The following RASAL2 variants were observed in gnomAD, a reference collection of about 807,000 sequenced individuals.
RASAL2 encodes RAS protein activator like 2.
In RASAL2, 58 loss-of-function variants were observed where a neutral mutation model predicts 128.9. The ratio of observed to expected loss-of-function variants is 0.45; its 90% CI spans 0.36 to 0.56. The LOEUF (loss-of-function observed/expected upper bound fraction) is 0.56. Ranked by LOEUF, RASAL2 falls within the 20% of genes least tolerant of loss-of-function variation. The pLI is 0.00. For missense variants in RASAL2, 1,360 were observed against 1,601.6 expected, an observed-to-expected ratio of 0.85 and a Z score of 2.57; for synonymous variants, 561 against 580.8, an observed-to-expected ratio of 0.97 and a Z score of 0.49.
intron 5 of RASAL2, among the ~76,000 whole-genome samples, chr1:178,432,628 T>C (rs1292921085): frequency 6.6e-6 from 1 of 152,052 alleles, no homozygotes; most frequent in African/African-American, 2.4e-5. Context: ...TGCCTCCTCT[T>C]TCCTATCCCT....
chr1:178,149,263 A>G (rs1474425240), intron 1 of RASAL2, among the ~76,000 whole-genome samples: 1 of 152,174 alleles, frequency 6.6e-6, no homozygotes, highest in African/African-American at 2.4e-5. Context: ...TGTTTACTCT[A>G]TAAAAGGGAA....
At chr1:178,331,580 C>T (rs1198213823) in intron 3 of RASAL2, among the ~76,000 whole-genome samples, 1 of 134,088 alleles carries the variant, frequency 7.5e-6, no homozygotes, top group Non-Finnish European at 1.5e-5. Context: ...TAACTTCATG[C>T]ATCTTTTTTT....
At chr1:178,470,868 T>C (rs553980807) in intron 17 of RASAL2, 91 of 511,076 alleles carry the variant, frequency 1.8e-4, no homozygotes, top group South Asian at 1.8e-3. Context: ...TCCCTTACAA[T>C]CCAGGCAGAA....
At chr1:178,242,461 CTCTCTCTCTCTCTCTCTCTCTT>C (rs1337765241) in intron 1 of RASAL2, among the ~76,000 whole-genome samples, 5 of 118,168 alleles carry the variant, frequency 4.2e-5, no homozygotes, top group Admixed American at 1.7e-4. Flanking sequence ...CTCTCTCTCT[CTCTCTCTCTCTCTCTCTCTCTT>C]TCATCTCTCT....
intron 1 of RASAL2, among the ~76,000 whole-genome samples, chr1:178,121,360 G>A (rs997438754): frequency 8.5e-5 from 13 of 152,148 alleles, no homozygotes; most frequent in African/African-American, 3.1e-4. Context: ...AATACACAAG[G>A]TTATAGATGA....
At chr1:178,283,961 A>G (rs1478935692) in intron 2 of RASAL2, among the ~76,000 whole-genome samples, 1 of 152,216 alleles carries the variant, frequency 6.6e-6, no homozygotes, top group Non-Finnish European at 1.5e-5. Flanking sequence ...GGGTTGGATT[A>G]TATAGGCCTG....
At chr1:178,453,484 A>G (rs150274656) in intron 11 of RASAL2, among the ~76,000 whole-genome samples, 220 of 152,148 alleles carry the variant, frequency 1.4e-3, no homozygotes, top group African/African-American at 5.1e-3. Context: ...TGAAAGGCAT[A>G]TGGGTATTCA....
intron 1 of RASAL2, among the ~76,000 whole-genome samples, chr1:178,277,443 G>A (rs906667640): frequency 1.3e-5 from 2 of 152,130 alleles, no homozygotes; most frequent in Non-Finnish European, 2.9e-5. Flanking sequence ...ATAGGCGTGA[G>A]CCACCGTTCC....
chr1:178,268,023 G>GTT (rs1044785459), intron 1 of RASAL2, among the ~76,000 whole-genome samples: 2 of 137,728 alleles, frequency 1.5e-5, no homozygotes, highest in Non-Finnish European at 1.6e-5. Context: ...GTTGTTTTTT[G>GTT]TTTTTTTTTT....
intron 4 of RASAL2, among the ~76,000 whole-genome samples, chr1:178,413,141 G>A (rs190978577): frequency 6.6e-6 from 1 of 152,144 alleles, no homozygotes; most frequent in East Asian, 1.9e-4. Flanking sequence ...TGTATGTTTT[G>A]TAGAGATGGG....
chr1:178,185,400 A>G (rs1454351451), intron 1 of RASAL2, among the ~76,000 whole-genome samples: 1 of 152,046 alleles, frequency 6.6e-6, no homozygotes, highest in East Asian at 1.9e-4. Flanking sequence ...CTTGTTATCC[A>G]TCTTAGAGAG....
At chr1:178,197,906 A>T (rs1274471050) in intron 1 of RASAL2, among the ~76,000 whole-genome samples, 2 of 151,772 alleles carry the variant, frequency 1.3e-5, no homozygotes, top group African/African-American at 4.8e-5. Context: ...GTGTCCAACT[A>T]TTCTCATTGT....
intron 11 of RASAL2, among the ~76,000 whole-genome samples, chr1:178,454,194 A>G (rs914040387): frequency 7.2e-6 from 1 of 138,576 alleles, no homozygotes; most frequent in African/African-American, 3.0e-5. Context: ...AAATCCCAGA[A>G]CTAAAAAAAA....
At chr1:178,184,952 T>A (rs1479503601) in intron 1 of RASAL2, among the ~76,000 whole-genome samples, 1 of 152,068 alleles carries the variant, frequency 6.6e-6, no homozygotes. Context: ...AATTTAGAAT[T>A]TCTCTTATTT....
intron 3 of RASAL2, among the ~76,000 whole-genome samples, chr1:178,353,199 C>A (rs1670612268): frequency 6.6e-6 from 1 of 152,220 alleles, no homozygotes; most frequent in Non-Finnish European, 1.5e-5. Flanking sequence ...TTTTACTGTC[C>A]ATTTCCCCTT....
intron 5 of RASAL2, 136 bp downstream of exon 5, chr1:178,420,756 T>C (rs1675093689): frequency 1.6e-6 from 1 of 617,934 alleles, no homozygotes; most frequent in Admixed American, 3.4e-5. Context: ...GTCGTGTTCA[T>C]ATTAAGGCAA....
chr1:178,468,366 G>A (rs925210749), intron 17 of RASAL2, among the ~76,000 whole-genome samples: 87 of 152,196 alleles, frequency 5.7e-4, no homozygotes, highest in Non-Finnish European at 8.7e-4. Context: ...AGGATTTTAT[G>A]CATAGATAGC....
In RASAL2 at chr1:178,398,570, GA is replaced by G. The variant is rs199846983; in HGVS notation, c.564+8368del. 5.9e-3 allele frequency among the ~76,000 whole-genome samples: 903 copies of G among 152,302 alleles called. 27 individuals are homozygous for G. The highest frequency in any genetic ancestry group is 0.047 in the Admixed American group (713 of 15,300). On this transcript the variant is annotated intron_variant, in intron 4 of 17. Coordinates refer to ENST00000367649, the MANE Select transcript of RASAL2 (RefSeq NM_170692.4). ...ATTAATATCAACAAATCAGGAAATA[GA>G]AAAGGATGCTGTTTTGGCAAACATT...
At chr1:178,209,349 G>A (rs1421989951) in intron 1 of RASAL2, among the ~76,000 whole-genome samples, 1 of 151,956 alleles carries the variant, frequency 6.6e-6, no homozygotes, top group Non-Finnish European at 1.5e-5. Context: ...ATTTTGCTGA[G>A]GCATATTATC....
Sources: gnomAD v4.1 joint callset for allele counts (sites outside exome capture counted in the v4.1 genomes callset) on GRCh38, gnomAD v4.1.1 for gene constraint, MANE v1.5 for transcripts, NCBI Gene and HGNC (gene_info 2026-07-23, HGNC 2026-07-21) for gene names.